The following SUN5 variants were observed in gnomAD, a reference collection of about 807,000 sequenced individuals.
SUN5 encodes the protein SUN domain-containing protein 5.
SUN5 carries 44 observed loss-of-function variants against 53.7 expected under a neutral mutation model. The observed-to-expected ratio is 0.82, with a 90% confidence interval of 0.64 to 1.05. The LOEUF is 1.05. SUN5 is among the 50% of genes least tolerant of loss of function. SUN5 has a pLI of 0.00. For missense variants in SUN5, 433 were observed against 483.8 expected, an observed-to-expected ratio of 0.90 and a Z score of 0.98; for synonymous variants, 166 against 179.8, an observed-to-expected ratio of 0.92 and a Z score of 0.62.
At chr20:32,998,943 G>A (rs1452244350) in intron 5 of SUN5, among the ~76,000 whole-genome samples, 2 of 152,170 alleles carry the variant, frequency 1.3e-5, no homozygotes, top group African/African-American at 4.8e-5. Context: ...GCTGATGTGG[G>A]AGGATCACTT....
chr20:32,996,544 C>G (rs571609468), intron 6 of SUN5, among the ~76,000 whole-genome samples, 186 bp from the exon 7 acceptor site: 49 of 152,244 alleles, frequency 3.2e-4, no homozygotes, highest in African/African-American at 1.2e-3. Context: ...TTTTATTCAT[C>G]CTTCCAGACT....
In SUN5 at chr20:32,985,993, G is replaced by A. The variant is rs1450724029; in HGVS notation, c.730-90C>T. On this transcript the variant is annotated intron_variant, in intron 10 of 12. Transcript: ENST00000356173. The stretch of plus-strand genomic sequence containing the variant: ...CCCTGTACTTCCTGGGACCTCCTGG[G>A]TGAGCCAGTCCTTTCTTGTCTCCAA... 7 of 1,427,696 alleles carry A rather than the reference G, an allele frequency of 4.9e-6. No individual in the cohort carries two copies. The East Asian group carries it at 1.2e-4, about 24-fold the overall frequency. 88.4% of individuals were successfully genotyped at this position (1,427,696 alleles called of 1,614,324 possible). A position where few individuals can be genotyped will look rare whatever the true frequency, so the allele number is the denominator to read the frequency against.
intron 9 of SUN5, among the ~76,000 whole-genome samples, chr20:32,989,094 TTTTTGTA>T (rs1989629701): frequency 1.3e-5 from 2 of 151,806 alleles, no homozygotes; most frequent in African/African-American, 4.8e-5. Flanking sequence ...CTCAGCTAAT[TTTTTGTA>T]TTTTTAGTAG....
At chr20:32,997,606 A>T (rs780315414) in intron 6 of SUN5, 32 bp downstream of exon 6, 1 of 1,612,868 alleles carries the variant, frequency 6.2e-7, no homozygotes, top group Non-Finnish European at 8.5e-7. Context: ...GAGACCTGTC[A>T]GCTGTGGGGC....
At chr20:32,993,190 GAATAA>G (rs1200509360) in intron 8 of SUN5, among the ~76,000 whole-genome samples, 1 of 152,214 alleles carries the variant, frequency 6.6e-6, no homozygotes, top group Non-Finnish European at 1.5e-5. Context: ...TTAGTCACAT[GAATAA>G]ATAACATTTC....
At chr20:32,989,224 C>T (rs939102937) in intron 9 of SUN5, among the ~76,000 whole-genome samples, 5 of 152,296 alleles carry the variant, frequency 3.3e-5, no homozygotes, top group South Asian at 2.1e-4. Context: ...CACACCTGGC[C>T]GAAGCACTGA....
intron 10 of SUN5, 48 bp downstream of exon 10, chr20:32,987,612 C>A (rs776768027): frequency 7.3e-6 from 11 of 1,506,662 alleles, no homozygotes; most frequent in Non-Finnish European, 9.9e-6. Flanking sequence ...CCAAACCCTG[C>A]CCGGACCACT....
chr20:32,993,037 G>C (rs985587332), intron 8 of SUN5, among the ~76,000 whole-genome samples: 23 of 152,220 alleles, frequency 1.5e-4, no homozygotes, highest in African/African-American at 5.3e-4. Context: ...TCCACTCCTA[G>C]TTATATCTAC....
Position 32,998,673 on chromosome 20 carries a change from G to T in SUN5, c.341-986C>A, listed in dbSNP as rs368358490. Among the ~76,000 whole-genome samples the T allele has an allele frequency of 8.7e-4, 132 of 152,088 alleles. 1 individual carries two copies. The South Asian group carries it at 0.01, about 12-fold the overall frequency. ...GGATGAGACAGGGATGCTTCCTCTT[G>T]CTAGTTCTATTTAACATGGTACTGG... On this transcript the variant is annotated intron_variant, in intron 5 of 12. Coordinates refer to ENST00000356173, the MANE Select transcript of SUN5 (RefSeq NM_080675.4).
At chr20:32,999,527 G>T (rs935007777) in intron 5 of SUN5, among the ~76,000 whole-genome samples, 1 of 152,330 alleles carries the variant, frequency 6.6e-6, no homozygotes, top group South Asian at 2.1e-4. Context: ...GGGAGGCGGA[G>T]GTTGCAGTGA....
At chr20:32,985,019 G>T (rs1256590155) in intron 12 of SUN5, 80 bp downstream of exon 12, 3 of 1,428,768 alleles carry the variant, frequency 2.1e-6, no homozygotes, top group Non-Finnish European at 2.9e-6. Context: ...GATACTGGGG[G>T]ATGAAGAGGG....
chr20:32,985,185 C>T lies in SUN5; in HGVS notation c.898G>A (p.Gly300Ser), dbSNP rs1419991350. 14 of 1,613,822 alleles carry T rather than the reference C, an allele frequency of 8.7e-6. No individual in the cohort carries two copies. The highest frequency in any genetic ancestry group is 1.7e-4 in the Middle Eastern group (1 of 6,060). ...DTAPKDFVIY[G>S]MEGSPKEEVF... ...TCCTCCTTGGGGGAGCCCTCCATGC[C>T]CTGTGGAACCAGAACCAAGGTGAAG... The change falls in exon 12 of 13, where the codon GGC (glycine) becomes AGC (serine). Residue 300 changes from glycine (G) to serine (S), a missense_variant and splice_region_variant. Coordinates refer to ENST00000356173, the MANE Select transcript of SUN5 (RefSeq NM_080675.4).
chr20:32,995,806 T>C, intron 7 of SUN5, 79 bp from the exon 8 acceptor site: 1 of 1,344,578 alleles, frequency 7.4e-7, no homozygotes, highest in Non-Finnish European at 1.1e-6. Flanking sequence ...CCTTTGCTAG[T>C]TGGCTCTCAA....
At chr20:33,004,153 T>C in intron 1 of SUN5, 111 bp downstream of exon 1, 2 of 1,138,930 alleles carry the variant, frequency 1.8e-6, no homozygotes, top group Non-Finnish European at 2.3e-6. Context: ...TCTTGGTGGC[T>C]GTCTCTGTAC....
At position 32,988,745 on chromosome 20, in the gene SUN5, C is replaced by T. The variant is rs147323761; in HGVS notation, c.613+875G>A. 7.5e-3 allele frequency among the ~76,000 whole-genome samples: 1,132 copies of T among 151,634 alleles called. 13 individuals carry two copies. Among genetic ancestry groups the T allele is most frequent in the African/African-American group, 0.025 (1,020 of 41,330 alleles). On this transcript the variant is annotated intron_variant, in intron 9 of 12. Coordinates refer to ENST00000356173, the MANE Select transcript of SUN5 (RefSeq NM_080675.4). ...CTGGGATTATAGGTGCCCACAACCA[C>T]GCCCAGCTAACTTTTGTATTTTTAG...
At chr20:33,000,844 A>T (rs1461321911) in intron 4 of SUN5, among the ~76,000 whole-genome samples, 3 of 121,470 alleles carry the variant, frequency 2.5e-5, no homozygotes, top group African/African-American at 8.5e-5. Flanking sequence ...AACCCTGTCT[A>T]AAAAAAAAAA....
At chr20:32,991,454 A>G (rs147449555) in intron 8 of SUN5, among the ~76,000 whole-genome samples, 97 of 152,342 alleles carry the variant, frequency 6.4e-4, no homozygotes, top group African/African-American at 2.2e-3. Flanking sequence ...AAGTAAATTG[A>G]CCAGAGTCAC....
rs761598683 is a variant in SUN5 at position 32,996,346 on chromosome 20, T to C, written c.403A>G (p.Asn135Asp). The C allele has an allele frequency of 6.2e-7, 1 of 1,613,304 alleles. No individual in the cohort carries two copies. Among genetic ancestry groups the C allele is most frequent in the Non-Finnish European group, 8.5e-7 (1 of 1,179,444 alleles). ...KMKVWQDDSI[N>D]GPLQSLRLYQ... ...TACCTCAAGCTCTGCAGTGGACCATTTATGCTGTCATCCTGGTGGAGTATT... is the reference window on the plus strand; with the variant it reads ...TACCTCAAGCTCTGCAGTGGACCATCTATGCTGTCATCCTGGTGGAGTATT... The change falls in exon 7 of 13, where the codon AAT (asparagine) becomes GAT (aspartate). Residue 135 changes from asparagine (N) to aspartate (D), a missense_variant. Asn to Asp is a conservative substitution (Grantham distance 23, BLOSUM62 1). Coordinates refer to ENST00000356173, the MANE Select transcript of SUN5 (RefSeq NM_080675.4).
Position 33,001,192 on chromosome 20 carries a change from C to G in SUN5, c.278+20G>C, listed in dbSNP as rs1003561601. The G allele has an allele frequency of 5.1e-6, 8 of 1,562,948 alleles. No homozygotes were observed. Among genetic ancestry groups the G allele is most frequent in the Non-Finnish European group, 6.9e-6 (8 of 1,151,862 alleles). On this transcript the variant is annotated intron_variant, in intron 4 of 12. Transcript: ENST00000356173. ...CATTTCCCACTCCCCATCCACCCTC[C>G]CCCTGCCTTCCCTGCTCACCTGCAC...
Sources: gnomAD v4.1 joint callset for allele counts (sites outside exome capture counted in the v4.1 genomes callset) on GRCh38, gnomAD v4.1.1 for gene constraint, MANE v1.5 for transcripts, NCBI Gene and HGNC (gene_info 2026-07-23, HGNC 2026-07-21) for gene names.